The following ELAVL4 variants were observed in gnomAD, a reference collection of about 807,000 sequenced individuals.
ELAVL4 encodes ELAV like RNA binding protein 4, also known as ELAV-like protein 4.
A neutral mutation model predicts 35.6 loss-of-function variants in ELAVL4; 1 was observed. The observed-to-expected ratio is 0.03, with a 90% CI of 0.01 to 0.13. ELAVL4 has a LOEUF of 0.13. ELAVL4 is among the 10% of genes least tolerant of loss of function. The pLI, the probability that ELAVL4 is intolerant of heterozygous loss-of-function variation, is 1.00. For missense variants in ELAVL4, 267 were observed against 464.9 expected (o/e 0.57, Z 3.91); for synonymous variants, 156 against 171.0 (o/e 0.91, Z 0.69).
At chr1:50,174,663 C>T (rs921435927) in intron 2 of ELAVL4, 1 of 152,120 alleles carries the variant, frequency 6.6e-6, no homozygotes, top group Non-Finnish European at 1.5e-5. Context: ...TCTTGCTGGG[C>T]AGGGCTCCTT....
chr1:50,133,531 T>C (rs551747378), intron 1 of ELAVL4, among the ~76,000 whole-genome samples: 6 of 149,970 alleles, frequency 4.0e-5, no homozygotes, highest in Admixed American at 1.3e-4. Context: ...CAAGTCAAAA[T>C]GTTCTTTTTT....
chr1:50,099,877 G>A (rs997362875), upstream of ELAVL4, among the ~76,000 whole-genome samples: 3 of 152,232 alleles, frequency 2.0e-5, no homozygotes, highest in Admixed American at 6.5e-5. Context: ...GTTATCACCT[G>A]GTGGCAGAAT....
At chr1:50,059,669 G>C (rs1663858660) in intron 1 of ELAVL4, among the ~76,000 whole-genome samples, 1 of 152,100 alleles carries the variant, frequency 6.6e-6, no homozygotes, top group African/African-American at 2.4e-5. Context: ...CATGTTCATA[G>C]AGGCATTATT....
upstream of ELAVL4, among the ~76,000 whole-genome samples, chr1:50,108,049 T>C (rs891268245): frequency 6.6e-6 from 1 of 152,188 alleles, no homozygotes; most frequent in Non-Finnish European, 1.5e-5. Flanking sequence ...CAAAAGCATG[T>C]TTTACCTTTC....
chr1:50,171,260 G>A (rs1340273924), intron 2 of ELAVL4, among the ~76,000 whole-genome samples: 2 of 152,138 alleles, frequency 1.3e-5, no homozygotes, highest in Admixed American at 6.5e-5. Flanking sequence ...GACCCCCAGT[G>A]CAAGTGAATG....
intron 2 of ELAVL4, among the ~76,000 whole-genome samples, chr1:50,146,734 C>G (rs1319407404): frequency 6.6e-6 from 1 of 152,038 alleles, no homozygotes; most frequent in Admixed American, 6.6e-5. Context: ...CAAATTAAAA[C>G]CAGTTAACCA....
At chr1:50,106,219 T>C (rs1218793337), upstream of ELAVL4, 3 of 1,223,326 alleles carry the variant, frequency 2.5e-6, no homozygotes, top group Non-Finnish European at 3.5e-6. Flanking sequence ...TAACGCTGAA[T>C]TGGCTTCTGG....
chr1:50,143,062 T>G (rs1374261533), intron 1 of ELAVL4, among the ~76,000 whole-genome samples: 1 of 152,150 alleles, frequency 6.6e-6, no homozygotes, highest in Non-Finnish European at 1.5e-5. Context: ...ATCTGTGGAC[T>G]AGAATTCAGA....
chr1:50,118,396 GCAGTGTGAA>G (rs1668314707), intron 1 of ELAVL4, among the ~76,000 whole-genome samples: 1 of 151,968 alleles, frequency 6.6e-6, no homozygotes, highest in African/African-American at 2.4e-5. Context: ...GATGGCTTTG[GCAGTGTGAA>G]CACCTCTAGA....
chr1:50,161,711 ATAGT>A (rs1396133362), intron 2 of ELAVL4, among the ~76,000 whole-genome samples: 5 of 152,192 alleles, frequency 3.3e-5, no homozygotes, highest in African/African-American at 1.2e-4. Context: ...CCTTTGAGAA[ATAGT>A]TGGTTGGCCT....
Position 50,202,187 on chromosome 1 carries a change from G to C in ELAVL4, c.*1009G>C, listed in dbSNP as rs935805416. Reference sequence around the variant, plus strand: ...GGGAAAGGAGTGTTCGTTCTACCCAGGGTACCACAGTTCCCCACAGTCAAA... The same window carrying C: ...GGGAAAGGAGTGTTCGTTCTACCCACGGTACCACAGTTCCCCACAGTCAAA... On this transcript the variant is annotated 3_prime_UTR_variant, in exon 7 of 7. Coordinates refer to ENST00000371824, the MANE Select transcript of ELAVL4 (RefSeq NM_001144774.3). 6 of 152,038 alleles carry C rather than the reference G, an allele frequency of 3.9e-5. No homozygotes were observed. The highest frequency in any genetic ancestry group is 1.5e-5 in the Non-Finnish European group (1 of 67,984). 9.4% of individuals were successfully genotyped at this position (152,038 alleles called of 1,614,324 possible).
chr1:50,135,129 A>G (rs1187376084), intron 1 of ELAVL4, among the ~76,000 whole-genome samples: 1 of 152,074 alleles, frequency 6.6e-6, no homozygotes, highest in Non-Finnish European at 1.5e-5. Flanking sequence ...AGCCCTGACT[A>G]CCACCACTGA....
intron 2 of ELAVL4, among the ~76,000 whole-genome samples, chr1:50,167,535 C>T (rs1414070652): frequency 6.6e-6 from 1 of 152,166 alleles, no homozygotes. Flanking sequence ...CGGCTAATCA[C>T]CCCGAGGAAT....
intron 4 of ELAVL4, 125 bp from the exon 5 acceptor site, chr1:50,195,436 G>A (rs1643988632): frequency 1.0e-6 from 1 of 990,248 alleles, no homozygotes; most frequent in African/African-American, 1.6e-5. Context: ...CAGGGAGCTG[G>A]GCTCAGCCCT....
intron 1 of ELAVL4, among the ~76,000 whole-genome samples, chr1:50,128,916 T>C (rs192408691): frequency 6.6e-6 from 1 of 152,128 alleles, no homozygotes; most frequent in African/African-American, 2.4e-5. Flanking sequence ...ATTGGCTAGT[T>C]AGCTTTACCT....
intron 2 of ELAVL4, among the ~76,000 whole-genome samples, chr1:50,160,324 C>G (rs1010187424): frequency 6.6e-6 from 1 of 152,190 alleles, no homozygotes; most frequent in Non-Finnish European, 1.5e-5. Flanking sequence ...CCTATTTCTG[C>G]ATGAGTTGTT....
At chr1:50,086,187 CT>C (rs1338957527) in intron 1 of ELAVL4, among the ~76,000 whole-genome samples, 2 of 151,704 alleles carry the variant, frequency 1.3e-5, no homozygotes, top group African/African-American at 2.4e-5. Context: ...AATATTTTTC[CT>C]TGTTAATTGC....
chr1:50,129,369 C>T (rs1367373733), intron 1 of ELAVL4, among the ~76,000 whole-genome samples: 3 of 152,110 alleles, frequency 2.0e-5, no homozygotes, highest in African/African-American at 7.2e-5. Context: ...GCCGGAAAAG[C>T]CCTCTGCTGT....
At chr1:50,139,626 A>G (rs905884707) in intron 1 of ELAVL4, among the ~76,000 whole-genome samples, 1 of 152,172 alleles carries the variant, frequency 6.6e-6, no homozygotes, top group African/African-American at 2.4e-5. Context: ...GTATGACCTG[A>G]CATATCCAGG....
Sources: allele counts gnomAD v4.1 joint callset (sites outside exome capture counted in the v4.1 genomes callset), GRCh38; gene constraint gnomAD v4.1.1; transcripts MANE v1.5; gene names NCBI Gene and HGNC (gene_info 2026-07-23, HGNC 2026-07-21).